Variants in FCHO2 observed in about 807,000 individuals in gnomAD.
FCHO2 encodes the protein F-BAR domain only protein 2.
FCHO2 carries 43 observed loss-of-function variants against 114.1 expected under a neutral mutation model. That is an observed-to-expected ratio of 0.38 (90% CI 0.30 to 0.49). The LOEUF (loss-of-function observed/expected upper bound fraction) is 0.49. Ranked by LOEUF, FCHO2 falls within the 20% of genes least tolerant of loss-of-function variation. The probability of loss-of-function intolerance (pLI) is 0.97; values close to 1 mark genes in which losing one functional copy is unlikely to be tolerated. For missense variants in FCHO2, 807 were observed against 950.4 expected, an observed-to-expected ratio of 0.85 and a Z score of 1.98; for synonymous variants, 293 against 315.2, an observed-to-expected ratio of 0.93 and a Z score of 0.75.
In FCHO2 at chr5:73,012,587, C is replaced by T. The variant is rs573117902; in HGVS notation, c.601-3039C>T. 8.7e-5 allele frequency among the ~76,000 whole-genome samples: 13 copies of T among 148,852 alleles called. No individual in the cohort carries two copies. In the East Asian group the frequency reaches 2.4e-3, roughly 27 times the overall value. On this transcript the variant is annotated intron_variant, in intron 6 of 25. Transcript: ENST00000430046. Reference sequence around the variant, plus strand: ...TGAGCCGAGATCACGCCACTGCACTCCAGCCTGGCGACAGAGCGAGACTCC... The same window carrying T: ...TGAGCCGAGATCACGCCACTGCACTTCAGCCTGGCGACAGAGCGAGACTCC...
intron 1 of FCHO2, among the ~76,000 whole-genome samples, chr5:72,957,872 C>A (rs1482902615): frequency 6.6e-6 from 1 of 152,072 alleles, no homozygotes; most frequent in Non-Finnish European, 1.5e-5. Flanking sequence ...AGTGAGTGAA[C>A]GTGAAGTAGT....
chr5:72,997,945 C>T (rs370455878), intron 5 of FCHO2, among the ~76,000 whole-genome samples: 6 of 151,890 alleles, frequency 4.0e-5, no homozygotes, highest in Admixed American at 6.5e-5. Flanking sequence ...CGGCAGGACC[C>T]GCCAGAGCCA....
intron 11 of FCHO2, among the ~76,000 whole-genome samples, chr5:73,047,639 G>A (rs1757120321): frequency 6.6e-6 from 1 of 151,442 alleles, no homozygotes. Context: ...AACCCCCTGA[G>A]GATACCAGAA....
At chr5:73,045,875 T>C (rs1205695311) in intron 11 of FCHO2, among the ~76,000 whole-genome samples, 1 of 152,242 alleles carries the variant, frequency 6.6e-6, no homozygotes, top group Non-Finnish European at 1.5e-5. Context: ...TTGCCATTTC[T>C]TGTTTTGTTT....
chr5:72,977,639 A>T (rs1475051821), intron 2 of FCHO2, among the ~76,000 whole-genome samples: 1 of 152,082 alleles, frequency 6.6e-6, no homozygotes, highest in African/African-American at 2.4e-5. Flanking sequence ...CCCATTTGTT[A>T]ATTCTGGCTT....
intron 8 of FCHO2, among the ~76,000 whole-genome samples, chr5:73,022,359 A>C (rs1429002923): frequency 3.3e-5 from 5 of 152,078 alleles, no homozygotes; most frequent in Admixed American, 2.0e-4. Flanking sequence ...GAATCAAGCC[A>C]ATTTTATTTT....
At chr5:73,051,447 C>A (rs2112834831) in intron 12 of FCHO2, 41 bp downstream of exon 12, 1 of 1,301,694 alleles carries the variant, frequency 7.7e-7, no homozygotes, top group Admixed American at 2.4e-5. Context: ...ATTATGTTGG[C>A]ATATAAGTAG....
rs1223253659 is a variant in FCHO2 at position 73,088,138 on chromosome 5, C to G, written c.*48C>G. The G allele has an allele frequency of 2.5e-6, 4 of 1,606,934 alleles. No homozygotes were observed. Among genetic ancestry groups the G allele is most frequent in the Non-Finnish European group, 3.4e-6 (4 of 1,176,014 alleles). On this transcript the variant is annotated 3_prime_UTR_variant, in exon 26 of 26. Coordinates refer to ENST00000430046, the MANE Select transcript of FCHO2 (RefSeq NM_138782.3). ...CTTCAGGGATTACAAACCTGCCATTCTGCATTATCTGTTCTTTCCAAACAC... is the reference window on the plus strand; with the variant it reads ...CTTCAGGGATTACAAACCTGCCATTGTGCATTATCTGTTCTTTCCAAACAC...
At chr5:73,035,233 C>T (rs975040854) in intron 9 of FCHO2, among the ~76,000 whole-genome samples, 3 of 152,010 alleles carry the variant, frequency 2.0e-5, no homozygotes, top group African/African-American at 7.2e-5. Context: ...GCCTGGGAAA[C>T]ATGTTGAGAC....
Position 73,089,217 on chromosome 5 carries a change from G to GC in FCHO2, c.*1127_*1128insC, listed in dbSNP as rs1306850226. 6 of 152,484 alleles carry GC rather than the reference G, an allele frequency of 3.9e-5. No individual in the cohort carries two copies. Among genetic ancestry groups the GC allele is most frequent in the Non-Finnish European group, 7.4e-5 (5 of 67,962 alleles). 9.4% of individuals were successfully genotyped at this position (152,484 alleles called of 1,614,324 possible). On this transcript the variant is annotated 3_prime_UTR_variant, in exon 26 of 26. Transcript: ENST00000430046. ...CTAAAAAAACTATAGTGCTAAATTG[G>GC]TAACTGGTATTTTAACTCTCAATTT...
intron 19 of FCHO2, among the ~76,000 whole-genome samples, chr5:73,072,075 CTGAAATT>C (rs1358049442): frequency 4.0e-5 from 6 of 151,238 alleles, no homozygotes; most frequent in Non-Finnish European, 8.8e-5. Flanking sequence ...ATTGTCCAGA[CTGAAATT>C]CAGGGATATG....
At chr5:72,983,446 C>T (rs1402535571) in intron 2 of FCHO2, among the ~76,000 whole-genome samples, 3 of 151,762 alleles carry the variant, frequency 2.0e-5, no homozygotes, top group Admixed American at 2.0e-4. Context: ...GCAGTGCAGC[C>T]TCCACGTCTT....
At chr5:73,083,105 C>T (rs190630540) in intron 24 of FCHO2, among the ~76,000 whole-genome samples, 6 of 152,002 alleles carry the variant, frequency 3.9e-5, no homozygotes, top group Admixed American at 6.5e-5. Context: ...AGGATGGTCT[C>T]GATCTCCTGA....
chr5:73,083,397 T>C (rs1037585712), intron 24 of FCHO2, among the ~76,000 whole-genome samples: 6 of 152,220 alleles, frequency 3.9e-5, no homozygotes, highest in Non-Finnish European at 5.9e-5. Context: ...GCCATAACTT[T>C]ATAAATATTA....
At chr5:73,071,001 T>C (rs1742618401) in intron 19 of FCHO2, among the ~76,000 whole-genome samples, 1 of 152,032 alleles carries the variant, frequency 6.6e-6, no homozygotes, top group Admixed American at 6.6e-5. Flanking sequence ...CTTAAGTGTA[T>C]CTAAAATATT....
At chr5:73,004,200 A>G (rs2112709282) in intron 5 of FCHO2, among the ~76,000 whole-genome samples, 1 of 152,250 alleles carries the variant, frequency 6.6e-6, no homozygotes, top group Admixed American at 6.5e-5. Flanking sequence ...TAAGCATGCC[A>G]TTATAATTGT....
At chr5:72,994,378 A>G (rs947779582) in intron 5 of FCHO2, among the ~76,000 whole-genome samples, 8 of 152,232 alleles carry the variant, frequency 5.3e-5, no homozygotes, top group African/African-American at 1.7e-4. Context: ...AAGCATATGA[A>G]AAAAAGCTCA....
At chr5:73,080,716 ATTGAC>A (rs1743065426) in intron 22 of FCHO2, among the ~76,000 whole-genome samples, 1 of 152,198 alleles carries the variant, frequency 6.6e-6, no homozygotes. Context: ...TGCCACTTAA[ATTGAC>A]TTAAAGTTTC....
chr5:73,052,639 C>A, intron 13 of FCHO2, 132 bp downstream of exon 13: 1 of 751,700 alleles, frequency 1.3e-6, no homozygotes, highest in Non-Finnish European at 2.0e-6. Context: ...AATTTTTATA[C>A]AGGGAAATAA....
Sources: allele counts gnomAD v4.1 joint callset (sites outside exome capture counted in the v4.1 genomes callset), GRCh38; gene constraint gnomAD v4.1.1; transcripts MANE v1.5; gene names NCBI Gene and HGNC (gene_info 2026-07-23, HGNC 2026-07-21).